Variants in CCSER1 observed in about 807,000 individuals in gnomAD.
CCSER1 encodes the protein serine-rich coiled-coil domain-containing protein 1.
In CCSER1, 41 loss-of-function variants were observed where a neutral mutation model predicts 82.0. The observed-to-expected ratio is 0.50, with a 90% CI of 0.39 to 0.65. CCSER1 has a LOEUF of 0.65. Ranked by LOEUF, CCSER1 falls within the 30% of genes least tolerant of loss-of-function variation. The pLI, the probability that CCSER1 is intolerant of heterozygous loss-of-function variation, is 0.00. For synonymous variants in CCSER1, 414 were observed against 383.9 expected, an observed-to-expected ratio of 1.08 and a Z score of -0.92; for missense variants, 1,119 against 1,064.2, an observed-to-expected ratio of 1.05 and a Z score of -0.72.
Position 90,812,871 on chromosome 4 carries a change from GA to G in CCSER1, c.2011-2888del, listed in dbSNP as rs546970686. Among the ~76,000 whole-genome samples the G allele has an allele frequency of 4.6e-3, 698 of 152,170 alleles. 5 individuals are homozygous for G. Among genetic ancestry groups the G allele is most frequent in the African/African-American group, 0.016 (673 of 41,514 alleles). ...TCAGTATCACCAGAACAGCATAGGG[GA>G]AACCACCCCCATGATCCAATCACCT... On this transcript the variant is annotated intron_variant, in intron 7 of 10. Coordinates refer to ENST00000509176, the MANE Select transcript of CCSER1 (RefSeq NM_001145065.2).
chr4:91,352,946 G>GA (rs1362137359), intron 10 of CCSER1, among the ~76,000 whole-genome samples: 1 of 152,190 alleles, frequency 6.6e-6, no homozygotes, highest in East Asian at 1.9e-4. Flanking sequence ...GTGCAATGTT[G>GA]AAAAAAATAG....
chr4:90,308,281 C>A lies in CCSER1; in HGVS notation c.-4C>A. On this transcript the variant is annotated 5_prime_UTR_variant, in exon 2 of 11. Transcript: ENST00000509176. Reference sequence around the variant, plus strand: ...GCTTTCACAGTGCAAGCCTTTGATTCCCAATGGGGGACTCAGGATCAAGAC... The same window carrying A: ...GCTTTCACAGTGCAAGCCTTTGATTACCAATGGGGGACTCAGGATCAAGAC... 1 of 1,563,000 alleles carries A rather than the reference C, an allele frequency of 6.4e-7. No homozygotes were observed. Among genetic ancestry groups the A allele is most frequent in the Non-Finnish European group, 8.7e-7 (1 of 1,154,774 alleles).
chr4:90,623,825 C>G (rs1051336239), intron 5 of CCSER1, among the ~76,000 whole-genome samples: 10 of 152,090 alleles, frequency 6.6e-5, no homozygotes, highest in Non-Finnish European at 1.2e-4. Context: ...TAATCAACAG[C>G]CTTTTTGTAG....
At chr4:90,734,043 TG>T (rs1188819223) in intron 7 of CCSER1, among the ~76,000 whole-genome samples, 4 of 152,022 alleles carry the variant, frequency 2.6e-5, no homozygotes, top group African/African-American at 9.7e-5. Context: ...ATTTTAGGAT[TG>T]TTTTTAATAT....
intron 10 of CCSER1, among the ~76,000 whole-genome samples, chr4:91,454,728 G>C (rs1756058512): frequency 6.6e-6 from 1 of 151,758 alleles, no homozygotes; most frequent in South Asian, 2.1e-4. Flanking sequence ...GTTTATTCAA[G>C]AGTCTATCTA....
intron 6 of CCSER1, among the ~76,000 whole-genome samples, chr4:90,704,120 C>G (rs988326087): frequency 2.6e-5 from 4 of 152,088 alleles, no homozygotes; most frequent in African/African-American, 9.7e-5. Flanking sequence ...ACCGGTTGTT[C>G]CTTTCCATAT....
chr4:90,846,686 AT>A (rs372733836), intron 8 of CCSER1, among the ~76,000 whole-genome samples: 1 of 152,062 alleles, frequency 6.6e-6, no homozygotes, highest in Admixed American at 6.6e-5. Flanking sequence ...AACTAACTGT[AT>A]TTTTGTACCC....
intron 10 of CCSER1, among the ~76,000 whole-genome samples, chr4:91,598,222 CTT>C (rs1282731962): frequency 6.6e-6 from 1 of 152,146 alleles, no homozygotes; most frequent in African/African-American, 2.4e-5. Context: ...ATATTCATCA[CTT>C]ATTAAAATAA....
intron 9 of CCSER1, among the ~76,000 whole-genome samples, chr4:91,071,326 G>A (rs1266986443): frequency 6.6e-6 from 1 of 152,190 alleles, no homozygotes; most frequent in Non-Finnish European, 1.5e-5. Context: ...CAGAAGTGAA[G>A]TAGGCAGAAG....
rs370986095 is a variant in CCSER1, at chr4:90,884,665, A to T, written c.2095-38705A>T. 2.0e-4 allele frequency among the ~76,000 whole-genome samples: 31 copies of T among 152,246 alleles called. No individual in the cohort carries two copies. In the South Asian group the frequency reaches 6.0e-3, roughly 30 times the overall value. The stretch of plus-strand genomic sequence containing the variant: ...TTAGTGAGTCCATATCTATTTTAAA[A>T]TGTGTTTCTATAAGCTTGAAATATT... On this transcript the variant is annotated intron_variant, in intron 8 of 10. Coordinates refer to ENST00000509176, the MANE Select transcript of CCSER1 (RefSeq NM_001145065.2).
intron 7 of CCSER1, among the ~76,000 whole-genome samples, chr4:90,732,737 G>C (rs969589509): frequency 6.6e-5 from 10 of 152,064 alleles, no homozygotes; most frequent in Non-Finnish European, 7.4e-5. Context: ...ATCTCCATCA[G>C]TTTAATTATT....
chr4:91,365,858 T>G lies in CCSER1; in HGVS notation c.2218-232714T>G, dbSNP rs371254302. ...TTTTGGACATGAATGCATTATCCAG[T>G]GTGGAGCGCAGTGCCTAGCCCATGA... is the stretch of plus-strand genomic sequence containing the variant. On this transcript the variant is annotated intron_variant, in intron 10 of 10. Transcript: ENST00000509176. Among the ~76,000 whole-genome samples, 386 of 152,264 alleles carry G rather than the reference T, an allele frequency of 2.5e-3. 2 individuals carry two copies. The South Asian group carries it at 0.033, about 13-fold the overall frequency.
intron 5 of CCSER1, among the ~76,000 whole-genome samples, chr4:90,524,576 C>T (rs191166): frequency 3.9e-5 from 6 of 152,140 alleles, no homozygotes; most frequent in Admixed American, 3.3e-4. Flanking sequence ...ACAAGCGATT[C>T]TCCTGCCTCA....
intron 1 of CCSER1, among the ~76,000 whole-genome samples, chr4:90,152,838 G>C (rs898043421): frequency 4.0e-5 from 6 of 150,632 alleles, no homozygotes; most frequent in Non-Finnish European, 8.9e-5. Flanking sequence ...GCTCAGAGTT[G>C]CTTTTAAGAT....
intron 9 of CCSER1, among the ~76,000 whole-genome samples, chr4:90,973,627 C>T (rs1269093097): frequency 6.6e-6 from 1 of 151,576 alleles, no homozygotes; most frequent in South Asian, 2.1e-4. Context: ...TAGACTAGAA[C>T]TATCAAATAA....
At chr4:90,740,185 A>T (rs62312979) in intron 7 of CCSER1, among the ~76,000 whole-genome samples, 20,269 of 152,178 alleles carry the variant, frequency 0.13, 1,666 homozygotes, top group Non-Finnish European at 0.18. Flanking sequence ...ATGGATAAAA[A>T]CACTAAAAGT....
chr4:90,533,305 C>T (rs1278102528), intron 5 of CCSER1, among the ~76,000 whole-genome samples: 1 of 151,958 alleles, frequency 6.6e-6, no homozygotes, highest in Non-Finnish European at 1.5e-5. Context: ...CCGTGTTAGC[C>T]AGGATGGTCT....
intron 6 of CCSER1, among the ~76,000 whole-genome samples, chr4:90,683,481 T>TG (rs1249044578): frequency 6.6e-6 from 1 of 152,076 alleles, no homozygotes; most frequent in Non-Finnish European, 1.5e-5. Flanking sequence ...CTCCTTAACC[T>TG]GAGTCATTTT....
intron 9 of CCSER1, among the ~76,000 whole-genome samples, chr4:91,073,108 A>G (rs1354924586): frequency 6.6e-6 from 1 of 152,132 alleles, no homozygotes; most frequent in African/African-American, 2.4e-5. Flanking sequence ...ATGGCTTATT[A>G]CAGTATAGAC....
Sources: gnomAD v4.1 joint callset for allele counts (sites outside exome capture counted in the v4.1 genomes callset) on GRCh38, gnomAD v4.1.1 for gene constraint, MANE v1.5 for transcripts, NCBI Gene and HGNC (gene_info 2026-07-23, HGNC 2026-07-21) for gene names.